MDN1: variants seen among roughly 807,000 people sequenced by gnomAD.
The protein encoded by MDN1 is midasin AAA ATPase 1, also known as midasin.
Under a neutral mutation model 669.2 loss-of-function variants are expected in MDN1, and 266 were observed. The ratio of observed to expected loss-of-function variants is 0.40; its 90% CI spans 0.36 to 0.44. The LOEUF (loss-of-function observed/expected upper bound fraction) is 0.44. Ranked by LOEUF, MDN1 falls within the 20% of genes least tolerant of loss-of-function variation. The probability of loss-of-function intolerance (pLI) is 1.00; values close to 1 mark genes in which losing one functional copy is unlikely to be tolerated. For synonymous variants in MDN1, 2,385 were observed against 2,457.1 expected (o/e 0.97, Z 0.87); for missense variants, 5,940 against 6,754.0 (o/e 0.88, Z 4.22).
intron 79 of MDN1, chr6:89,673,676 C>T: frequency 1.8e-6 from 1 of 555,662 alleles, no homozygotes; most frequent in Admixed American, 3.4e-5. Flanking sequence ...TACTAAACAC[C>T]TAGGTTTAGT....
At chr6:89,722,908 T>A in intron 40 of MDN1, 47 bp downstream of exon 40, 2 of 1,511,490 alleles carry the variant, frequency 1.3e-6, no homozygotes, top group South Asian at 1.2e-5. Context: ...CCACAGGAAA[T>A]CAACTTTCAG....
chr6:89,714,741 A>G lies in MDN1; in HGVS notation c.6871T>C (p.Ser2291Pro). ...ATATCTCCATGAACAGGATCCATCG[A>G]GAGGAAAAGTCTAGAAAAATAGCAA... is the stretch of plus-strand genomic sequence containing the variant. ...TPNPNFRLFL[S>P]MDPVHGDISR... The change falls in exon 46 of 102, where the codon TCG (serine) becomes CCG (proline). Residue 2291 changes from serine (S) to proline (P), a missense_variant. Coordinates refer to ENST00000369393, the MANE Select transcript of MDN1 (RefSeq NM_014611.3). 1 of 1,608,258 alleles carries G rather than the reference A, an allele frequency of 6.2e-7. No homozygotes were observed. The highest frequency in any genetic ancestry group is 1.1e-5 in the South Asian group (1 of 90,086).
Position 89,695,964 on chromosome 6 carries a change from C to T in MDN1, c.9412G>A (p.Val3138Met). ...AGGCCTGCCAGGTGCCGGAACAGCACCTGCCCCTGGAGTTGGGAATCCGTG... is the reference window on the plus strand; with the variant it reads ...AGGCCTGCCAGGTGCCGGAACAGCATCTGCCCCTGGAGTTGGGAATCCGTG... ...RRTDSQLQGQ[V>M]LFRHLAGLAE... Residue 3138 changes from valine to methionine, a missense_variant, in exon 61 of 102, where the codon GTG becomes ATG. Val to Met is a conservative substitution (Grantham distance 21, BLOSUM62 1). Transcript: ENST00000369393. The surrounding 1 kb of genome is among the most constrained non-coding windows in gnomAD (Gnocchi z 4.1). 1 of 1,610,116 alleles carries T rather than the reference C, an allele frequency of 6.2e-7. No homozygotes were observed. Among genetic ancestry groups the T allele is most frequent in the Non-Finnish European group, 8.5e-7 (1 of 1,178,302 alleles).
At chr6:89,741,316 C>T (rs2128316972) in intron 31 of MDN1, among the ~76,000 whole-genome samples, 2 of 152,146 alleles carry the variant, frequency 1.3e-5, no homozygotes, top group South Asian at 4.2e-4. Flanking sequence ...AGAAAAAAGT[C>T]TAACAAAAAG....
intron 84 of MDN1, among the ~76,000 whole-genome samples, chr6:89,666,077 A>G (rs984495398): frequency 2.6e-5 from 4 of 152,154 alleles, no homozygotes; most frequent in African/African-American, 9.7e-5. Flanking sequence ...AAGTTTCCCC[A>G]TAACACCTCC....
chr6:89,650,585 G>A (rs1164021133), intron 96 of MDN1, 147 bp downstream of exon 96: 12 of 630,004 alleles, frequency 1.9e-5, no homozygotes, highest in Non-Finnish European at 3.0e-5. Flanking sequence ...AGGAAAACAG[G>A]GTAAGGAACA....
intron 15 of MDN1, 133 bp downstream of exon 15, chr6:89,771,428 C>G (rs1818071010): frequency 4.1e-6 from 3 of 738,090 alleles, no homozygotes; most frequent in South Asian, 3.8e-5. Flanking sequence ...TCCAATAAAG[C>G]CTTATCTGAG....
At chr6:89,679,508 G>T (rs1313823999) in intron 74 of MDN1, among the ~76,000 whole-genome samples, 1 of 152,206 alleles carries the variant, frequency 6.6e-6, no homozygotes, top group Non-Finnish European at 1.5e-5. Flanking sequence ...TCTGGAGACA[G>T]GGCCTTTAGA....
intron 90 of MDN1, 68 bp from the exon 91 acceptor site, chr6:89,656,869 C>A: frequency 7.7e-7 from 1 of 1,292,106 alleles, no homozygotes; most frequent in Non-Finnish European, 1.1e-6. Context: ...TACTGTGCTG[C>A]ATTGAATACA....
rs185209344 is a variant in MDN1, at chr6:89,747,652, A to G, written c.3763-182T>C. On this transcript the variant is annotated intron_variant, in intron 26 of 101. Coordinates refer to ENST00000369393, the MANE Select transcript of MDN1 (RefSeq NM_014611.3). The stretch of plus-strand genomic sequence containing the variant: ...CAAGCCTGTAATCCCAGCACTTTGG[A>G]AGGCCAAGGCGGGCGGATCACAAGG... 5.0e-3 allele frequency among the ~76,000 whole-genome samples: 754 copies of G among 151,122 alleles called. 1 individual carries two copies. The highest frequency in any genetic ancestry group is 7.0e-3 in the Admixed American group (106 of 15,190).
chr6:89,712,953 T>TA (rs5878107), intron 47 of MDN1, among the ~76,000 whole-genome samples, 167 bp from the exon 48 acceptor site: 14 of 146,464 alleles, frequency 9.6e-5, no homozygotes, highest in African/African-American at 1.8e-4. Context: ...CATGTAAGTT[T>TA]AAAAAAAAAA....
At chr6:89,753,387 A>T in intron 22 of MDN1, 125 bp downstream of exon 22, 1 of 693,188 alleles carries the variant, frequency 1.4e-6, no homozygotes. Context: ...TGTAATGTTT[A>T]AACTTTTTGC....
Position 89,671,038 on chromosome 6 carries a change from C to A in MDN1, c.13837G>T (p.Val4613Phe). The A allele has an allele frequency of 6.2e-7, 1 of 1,614,032 alleles. No individual in the cohort carries two copies. The highest frequency in any genetic ancestry group is 8.5e-7 in the Non-Finnish European group (1 of 1,180,004). ...ACGAGGTCTGAGTAGCTGGAGAGGA[C>A]CGGCACCAGGCGCACCAGCAAGGAA... ...SCSLLVRLVP[V>F]LSSYSDLVLF... The change falls in exon 83 of 102, where the codon GTC becomes TTC. Residue 4613 changes from valine (V) to phenylalanine (F), a missense_variant. Val to Phe is a conservative substitution (Grantham distance 50). Around this residue, in one of 5 missense-constraint regions of MDN1, gnomAD observed 2,280 missense variants for 2,576.3 expected, o/e 0.88. Coordinates refer to ENST00000369393, the MANE Select transcript of MDN1 (RefSeq NM_014611.3).
intron 11 of MDN1, among the ~76,000 whole-genome samples, chr6:89,777,051 C>G (rs1258852633): frequency 6.6e-6 from 1 of 152,104 alleles, no homozygotes; most frequent in Admixed American, 6.6e-5. Context: ...GAGGTAATAT[C>G]AAAAGACTGC....
At position 89,674,314 on chromosome 6, in the gene MDN1, C is replaced by G. The variant is rs1287639698; in HGVS notation, c.13037G>C (p.Gly4346Ala). The change falls in exon 79 of 102, where the codon GGA becomes GCA. Residue 4346 changes from glycine to alanine, a missense_variant. Gly to Ala is a moderately conservative substitution (Grantham distance 60, BLOSUM62 0). This residue lies in a region of MDN1 where 2,280 missense variants were observed against 2,576.3 expected (regional missense o/e 0.88). Coordinates refer to ENST00000369393, the MANE Select transcript of MDN1 (RefSeq NM_014611.3). ...GPELSKGQLC[G>A]VVLDLIPSNL... ...GGAAGGAATTAGGTCCAGCACTACT[C>G]CACAAAGTTGTCCCTTGCTAAGTTC... The G allele has an allele frequency of 6.2e-7, 1 of 1,614,228 alleles. No individual in the cohort carries two copies. The highest frequency in any genetic ancestry group is 1.1e-5 in the South Asian group (1 of 91,082).
intron 86 of MDN1, 28 bp from the exon 87 acceptor site, chr6:89,662,267 C>T (rs3818132): frequency 0.51 from 806,229 of 1,594,550 alleles, 210,715 homozygotes; most frequent in East Asian, 0.91. Flanking sequence ...AAAAAACAAT[C>T]ATCACACTCA....
Position 89,776,599 on chromosome 6 carries a change from C to T in MDN1, c.1821+1G>A. On this transcript the variant is annotated splice_donor_variant, in intron 12 of 101. Coordinates refer to ENST00000369393, the MANE Select transcript of MDN1 (RefSeq NM_014611.3). LOFTEE classifies it high-confidence loss of function. ...GGGAAGTAAAAAAACAGCACACATACCTTTTTTCTAGAAATGTTCAATTTG... is the reference window on the plus strand; with the variant it reads ...GGGAAGTAAAAAAACAGCACACATATCTTTTTTCTAGAAATGTTCAATTTG... The T allele has an allele frequency of 6.2e-7, 1 of 1,603,828 alleles. No homozygotes were observed.
At chr6:89,775,924 G>A (rs1298250875) in intron 12 of MDN1, among the ~76,000 whole-genome samples, 1 of 151,964 alleles carries the variant, frequency 6.6e-6, no homozygotes, top group Non-Finnish European at 1.5e-5. Flanking sequence ...CCCGACCTCA[G>A]GTGATCCACC....
chr6:89,806,231 C>G (rs983287091), intron 1 of MDN1, among the ~76,000 whole-genome samples: 6 of 152,058 alleles, frequency 3.9e-5, no homozygotes, highest in African/African-American at 9.7e-5. Flanking sequence ...AGCCACTGTG[C>G]CCGGCCCCAT....
Sources: allele counts gnomAD v4.1 joint callset (sites outside exome capture counted in the v4.1 genomes callset), GRCh38; gene constraint gnomAD v4.1.1; regional missense constraint gnomAD v4.1.1; non-coding constraint Gnocchi (gnomAD v3.1); transcripts MANE v1.5; gene names NCBI Gene and HGNC (gene_info 2026-07-23, HGNC 2026-07-21).